Variants in POLA1 observed in about 807,000 individuals in gnomAD.
POLA1 encodes the protein DNA polymerase alpha 1, catalytic subunit, also known as DNA polymerase alpha catalytic subunit.
Under a neutral mutation model 124.0 loss-of-function variants are expected in POLA1, and 15 were observed. The observed-to-expected ratio is 0.12, with a 90% CI of 0.08 to 0.19. The LOEUF (loss-of-function observed/expected upper bound fraction) is 0.19, where lower values mean the gene tolerates loss of function less well. Ranked by LOEUF, POLA1 falls within the 10% of genes least tolerant of loss-of-function variation. POLA1 has a pLI of 1.00. For missense variants in POLA1, 886 were observed against 1,103.4 expected (o/e 0.80, Z 2.79); for synonymous variants, 408 against 389.4 (o/e 1.05, Z -0.56).
intron 36 of POLA1, among the ~76,000 whole-genome samples, chrX:24,958,999 A>G (rs1028169353): frequency 1.3e-4 from 15 of 111,775 alleles, no homozygotes; most frequent in African/African-American, 4.9e-4. Context: ...TCCCATGAAC[A>G]TCTGTCAAAA....
chrX:24,990,141 G>A (rs2011144931), intron 36 of POLA1, among the ~76,000 whole-genome samples: 1 of 112,069 alleles, frequency 8.9e-6, no homozygotes, highest in Non-Finnish European at 1.9e-5. Context: ...AGAGTTAAAT[G>A]TACCAGCAAT....
intron 34 of POLA1, among the ~76,000 whole-genome samples, chrX:24,861,684 T>C (rs755008585): frequency 8.9e-6 from 1 of 112,221 alleles, no homozygotes; most frequent in East Asian, 2.8e-4. Flanking sequence ...AGAGAATCAG[T>C]TGTATATTTC....
intron 34 of POLA1, among the ~76,000 whole-genome samples, chrX:24,882,664 C>A (rs755775693): frequency 9.6e-6 from 1 of 103,853 alleles, no homozygotes; most frequent in Admixed American, 1.1e-4. Flanking sequence ...TTTTTTATGG[C>A]TGCATACTAT....
intron 30 of POLA1, among the ~76,000 whole-genome samples, chrX:24,817,523 G>A (rs1007270961): frequency 2.9e-5 from 3 of 104,320 alleles, no homozygotes; most frequent in Non-Finnish European, 5.8e-5. Flanking sequence ...CAGGAGAATC[G>A]CTTGAACCCA....
intron 36 of POLA1, among the ~76,000 whole-genome samples, chrX:24,955,011 G>A (rs897908512): frequency 8.9e-6 from 1 of 111,922 alleles, no homozygotes; most frequent in African/African-American, 3.2e-5. Context: ...TTGGTTTTCT[G>A]TAGCAGCGAA....
intron 35 of POLA1, among the ~76,000 whole-genome samples, chrX:24,904,939 G>C (rs1556020464): frequency 9.3e-6 from 1 of 107,732 alleles, no homozygotes; most frequent in Admixed American, 9.9e-5. Context: ...CAGGAGAATC[G>C]CTTGAAACCA....
At chrX:24,925,902 A>G (rs1351689767) in intron 35 of POLA1, among the ~76,000 whole-genome samples, 1 of 111,582 alleles carries the variant, frequency 9.0e-6, no homozygotes, top group Non-Finnish European at 1.9e-5. Context: ...AACAATGAGA[A>G]GAAATGCGTG....
intron 15 of POLA1, among the ~76,000 whole-genome samples, chrX:24,729,350 G>A (rs978550222): frequency 3.6e-5 from 4 of 111,469 alleles, no homozygotes; most frequent in African/African-American, 1.3e-4. Flanking sequence ...AGATGTCCCC[G>A]GGTCAGGGGA....
chrX:24,798,697 A>G (rs954275121), intron 26 of POLA1, among the ~76,000 whole-genome samples: 2 of 110,815 alleles, frequency 1.8e-5, no homozygotes, highest in African/African-American at 6.6e-5. Flanking sequence ...ACGGTAGACT[A>G]TTAGTAGTTA....
Position 24,841,665 on chromosome X carries a change from C to T in POLA1, c.3750C>T (p.Thr1250=). The change falls in exon 33 of 37, where the codon ACC becomes ACT. Residue 1250 remains threonine (T), a synonymous_variant. Coordinates refer to ENST00000379068, the MANE Select transcript of POLA1 (RefSeq NM_001330360.2). ...LIATWLGLDP[T]QFRVHHYHKD... is the part of the protein sequence containing the mutation. ...TTACATTAATAGGACTTGACCCCAC[C>T]CAATTTAGAGTTCATCATTATCATA... 1 of 1,169,100 alleles carries T rather than the reference C, an allele frequency of 8.6e-7. No homozygotes were observed. The highest frequency in any genetic ancestry group is 1.1e-6 in the Non-Finnish European group (1 of 871,474).
intron 1 of POLA1, among the ~76,000 whole-genome samples, chrX:24,695,318 A>T (rs755612654): frequency 1.8e-5 from 2 of 110,677 alleles, no homozygotes; most frequent in East Asian, 5.6e-4. Flanking sequence ...TTTTTTTGCT[A>T]AGTTACCTAC....
intron 35 of POLA1, among the ~76,000 whole-genome samples, chrX:24,925,864 T>G (rs1170259351): frequency 9.0e-6 from 1 of 111,056 alleles, no homozygotes; most frequent in Non-Finnish European, 1.9e-5. Context: ...CAAGCGTTTC[T>G]GCTGCCTCCG....
intron 17 of POLA1, 28 bp from the exon 18 acceptor site, chrX:24,735,371 C>T (rs73207253): frequency 5.9e-4 from 567 of 958,150 alleles, no homozygotes; most frequent in Non-Finnish European, 8.1e-4. Context: ...AAAGAGTCGT[C>T]AGTGACTGGT....
At chrX:24,959,362 G>A (rs1483594731) in intron 36 of POLA1, among the ~76,000 whole-genome samples, 1 of 110,070 alleles carries the variant, frequency 9.1e-6, no homozygotes, top group Non-Finnish European at 1.9e-5. Flanking sequence ...TACTCAGGAG[G>A]CTGAGGCATG....
chrX:24,731,999 T>C (rs754534357), intron 15 of POLA1, among the ~76,000 whole-genome samples: 2 of 112,133 alleles, frequency 1.8e-5, no homozygotes, highest in African/African-American at 6.5e-5. Context: ...CTGTCACCCA[T>C]GCTGGAGCGC....
rs2046220800 is a variant in POLA1 at position 24,829,123 on chromosome X, G to T, written c.3736+2522G>T. On this transcript the variant is annotated intron_variant, in intron 32 of 36. Transcript: ENST00000379068. The stretch of plus-strand genomic sequence containing the variant: ...TCTACACAGAGAACCCTCCAGACTT[G>T]CACACGGTCCCACCCATATACCCAT... Among the ~76,000 whole-genome samples the T allele has an allele frequency of 2.7e-5, 3 of 110,638 alleles. No homozygotes were observed. In the Admixed American group the frequency reaches 2.9e-4, roughly 11 times the overall value.
intron 36 of POLA1, among the ~76,000 whole-genome samples, chrX:24,944,517 C>T (rs1009591494): frequency 2.2e-4 from 25 of 111,646 alleles, no homozygotes; most frequent in Non-Finnish European, 1.9e-4. Flanking sequence ...AACTTTTTTC[C>T]TTCTTTCAAC....
intron 13 of POLA1, 131 bp downstream of exon 13, chrX:24,726,186 A>G: frequency 4.6e-6 from 2 of 433,820 alleles, no homozygotes; most frequent in South Asian, 4.2e-5. Flanking sequence ...AGGTGGATTT[A>G]TAGTAATGAA....
intron 34 of POLA1, among the ~76,000 whole-genome samples, chrX:24,874,686 C>A (rs962021210): frequency 9.0e-6 from 1 of 111,593 alleles, no homozygotes; most frequent in African/African-American, 3.3e-5. Flanking sequence ...AAGCTCATTT[C>A]GTATCCCAGG....
Sources: gnomAD v4.1 joint callset for allele counts (sites outside exome capture counted in the v4.1 genomes callset) on GRCh38, gnomAD v4.1.1 for gene constraint, MANE v1.5 for transcripts, NCBI Gene and HGNC (gene_info 2026-07-23, HGNC 2026-07-21) for gene names.